The following CDH13 variants were observed in gnomAD, a reference collection of about 807,000 sequenced individuals.
CDH13 encodes cadherin-13.
In CDH13, 24 loss-of-function variants were observed where a neutral mutation model predicts 63.8. That is an observed-to-expected ratio of 0.38 (90% CI 0.27 to 0.53). The LOEUF is 0.53. CDH13 is among the 20% of genes least tolerant of loss of function. The probability of loss-of-function intolerance (pLI) is 0.85; values close to 1 mark genes in which losing one functional copy is unlikely to be tolerated. For synonymous variants in CDH13, 503 were observed against 355.3 expected, an observed-to-expected ratio of 1.42 and a Z score of -4.67; for missense variants, 1,049 against 903.1, an observed-to-expected ratio of 1.16 and a Z score of -2.07.
At chr16:83,789,770 C>G (rs555248) in intron 13 of CDH13, among the ~76,000 whole-genome samples, 122,998 of 152,060 alleles carry the variant, frequency 0.81, 49,782 homozygotes, top group Admixed American at 0.84. Flanking sequence ...GGTCAGCAAA[C>G]TCTAAGACAC....
At chr16:83,461,208 A>G (rs1313679750) in intron 6 of CDH13, among the ~76,000 whole-genome samples, 2 of 152,196 alleles carry the variant, frequency 1.3e-5, no homozygotes, top group East Asian at 3.8e-4. Context: ...GTATATAGGT[A>G]CATATACACA....
chr16:83,143,017 T>A lies in CDH13; in HGVS notation c.483+17516T>A, dbSNP rs182607916. On this transcript the variant is annotated intron_variant, in intron 4 of 13. Coordinates refer to ENST00000567109, the MANE Select transcript of CDH13 (RefSeq NM_001257.5). ...ACTCAGGAAGGCTGAGGCAGGAAAATCGCTTGAACCCGGGAGGCGGAGGTT... is the reference window on the plus strand; with the variant it reads ...ACTCAGGAAGGCTGAGGCAGGAAAAACGCTTGAACCCGGGAGGCGGAGGTT... Among the ~76,000 whole-genome samples, 24 of 152,164 alleles carry A rather than the reference T, an allele frequency of 1.6e-4. No homozygotes were observed. In the East Asian group the frequency reaches 4.5e-3, roughly 28 times the overall value.
chr16:82,812,054 G>A (rs927590696), intron 1 of CDH13, among the ~76,000 whole-genome samples: 10 of 152,146 alleles, frequency 6.6e-5, no homozygotes, highest in Non-Finnish European at 1.2e-4. Flanking sequence ...TTCTTTGATG[G>A]ATGAGCAGAC....
chr16:83,651,031 G>A (rs1013912466), intron 8 of CDH13, among the ~76,000 whole-genome samples: 3 of 151,938 alleles, frequency 2.0e-5, no homozygotes, highest in Non-Finnish European at 4.4e-5. Flanking sequence ...AGCCCGGGAG[G>A]TCAAGGCTGC....
chr16:82,804,913 C>G (rs986073484), intron 1 of CDH13, among the ~76,000 whole-genome samples: 1 of 152,166 alleles, frequency 6.6e-6, no homozygotes, highest in Non-Finnish European at 1.5e-5. Context: ...TTCACCTTAT[C>G]TAAATTCATA....
At chr16:83,436,142 AGGTGG>A (rs2072294008) in intron 6 of CDH13, among the ~76,000 whole-genome samples, 1 of 152,216 alleles carries the variant, frequency 6.6e-6, no homozygotes, top group Non-Finnish European at 1.5e-5. Flanking sequence ...ACCAGTGGCA[AGGTGG>A]AGATGCCCTG....
intron 1 of CDH13, chr16:82,825,554 T>C (rs2038204355): frequency 6.7e-6 from 1 of 149,514 alleles, no homozygotes; most frequent in Non-Finnish European, 1.5e-5. Flanking sequence ...TTTTTTTTTT[T>C]TTTCCCAAAC....
chr16:83,674,157 A>G (rs1430219036), intron 9 of CDH13, among the ~76,000 whole-genome samples: 3 of 152,216 alleles, frequency 2.0e-5, no homozygotes, highest in Non-Finnish European at 4.4e-5. Context: ...CAAGTAACAG[A>G]ATGTTAGACT....
At chr16:82,828,364 T>A (rs768688181) in intron 1 of CDH13, among the ~76,000 whole-genome samples, 2 of 152,128 alleles carry the variant, frequency 1.3e-5, no homozygotes, top group Admixed American at 1.3e-4. Flanking sequence ...ACGCCTGTAA[T>A]CCCAAGACTT....
intron 10 of CDH13, among the ~76,000 whole-genome samples, chr16:83,730,691 G>A (rs1360588508): frequency 6.6e-6 from 1 of 151,964 alleles, no homozygotes; most frequent in Non-Finnish European, 1.5e-5. Flanking sequence ...TTAGATTCAG[G>A]GGGTCCATGG....
intron 4 of CDH13, among the ~76,000 whole-genome samples, chr16:83,188,107 A>C (rs565588396): frequency 1.3e-5 from 2 of 152,224 alleles, no homozygotes; most frequent in Admixed American, 1.3e-4. Flanking sequence ...GGAGCCCACC[A>C]TGAGGACTTT....
At chr16:82,837,721 C>T (rs1335307988) in intron 1 of CDH13, among the ~76,000 whole-genome samples, 1 of 152,212 alleles carries the variant, frequency 6.6e-6, no homozygotes, top group Non-Finnish European at 1.5e-5. Context: ...CGAGTTTTTA[C>T]TGGGAGCTCA....
intron 3 of CDH13, among the ~76,000 whole-genome samples, chr16:83,094,809 A>G (rs1241025670): frequency 6.6e-6 from 1 of 152,234 alleles, no homozygotes; most frequent in Non-Finnish European, 1.5e-5. Context: ...GCGTGGGCAT[A>G]CGCAATTTTT....
intron 2 of CDH13, among the ~76,000 whole-genome samples, chr16:82,916,465 T>C (rs747104457): frequency 3.9e-5 from 6 of 151,914 alleles, no homozygotes; most frequent in African/African-American, 1.5e-4. Context: ...TCCTAGCTAG[T>C]TGGGAGGCTG....
chr16:83,241,487 T>A (rs567500401), intron 5 of CDH13, among the ~76,000 whole-genome samples: 1 of 152,364 alleles, frequency 6.6e-6, no homozygotes, highest in South Asian at 2.1e-4. Flanking sequence ...GTCTTTTCAA[T>A]ACTTACTCTT....
chr16:82,830,426 T>C (rs1025434195), intron 1 of CDH13, among the ~76,000 whole-genome samples: 1 of 152,210 alleles, frequency 6.6e-6, no homozygotes, highest in Non-Finnish European at 1.5e-5. Flanking sequence ...TGAACAGTGT[T>C]GTTGTCACAC....
intron 11 of CDH13, among the ~76,000 whole-genome samples, chr16:83,760,376 G>T (rs1261145511): frequency 6.6e-6 from 1 of 152,206 alleles, no homozygotes; most frequent in Admixed American, 6.5e-5. Flanking sequence ...ACAGAAATGT[G>T]TTCCCCAAAA....
chr16:83,045,316 A>G (rs1027267825), intron 3 of CDH13, among the ~76,000 whole-genome samples: 4 of 152,164 alleles, frequency 2.6e-5, no homozygotes, highest in Admixed American at 6.5e-5. Context: ...TGAGATTTCC[A>G]AATGTAAATG....
At chr16:83,260,231 C>G (rs1049426397) in intron 5 of CDH13, among the ~76,000 whole-genome samples, 1 of 151,778 alleles carries the variant, frequency 6.6e-6, no homozygotes, top group African/African-American at 2.4e-5. Context: ...ACTTAAAATA[C>G]TGGTCATGAC....
Sources: allele counts gnomAD v4.1 joint callset (sites outside exome capture counted in the v4.1 genomes callset), GRCh38; gene constraint gnomAD v4.1.1; transcripts MANE v1.5; gene names NCBI Gene and HGNC (gene_info 2026-07-23, HGNC 2026-07-21).